Variants in ADAMTSL2 observed in about 807,000 individuals in gnomAD.
The protein encoded by ADAMTSL2 is ADAMTS like 2, also known as ADAMTS-like protein 2.
In ADAMTSL2, 55 loss-of-function variants were observed where a neutral mutation model predicts 117.0. The observed-to-expected ratio is 0.47, with a 90% confidence interval of 0.38 to 0.59. ADAMTSL2 has a LOEUF of 0.59. Among genes scored for constraint, ADAMTSL2 ranks in the 20% least tolerant of loss-of-function variants. The pLI, the probability that ADAMTSL2 is intolerant of heterozygous loss-of-function variation, is 0.00. For synonymous variants in ADAMTSL2, 572 were observed against 566.4 expected (o/e 1.01, Z -0.14); for missense variants, 1,182 against 1,354.5 (o/e 0.87, Z 2.00).
chr9:133,563,832 AGAGAGAG>A (rs1830811701), intron 12 of ADAMTSL2, among the ~76,000 whole-genome samples: 2 of 89,000 alleles, frequency 2.2e-5, no homozygotes, highest in South Asian at 4.1e-4. Context: ...AGAGAGAGAG[AGAGAGAG>A]AGAGGGAGAG....
chr9:133,533,153 G>A (rs1829975327), upstream of ADAMTSL2, among the ~76,000 whole-genome samples: 3 of 132,982 alleles, frequency 2.3e-5, no homozygotes, highest in South Asian at 2.7e-4. Context: ...GGGACTGGGT[G>A]TGTGTGTGCC....
At chr9:133,569,635 G>T in intron 16 of ADAMTSL2, 57 bp downstream of exon 16, 13 of 1,524,924 alleles carry the variant, frequency 8.5e-6, no homozygotes, top group Non-Finnish European at 1.2e-5. Context: ...CATTTGGCCA[G>T]AGAGGAGAGC....
At chr9:133,534,963 G>A (rs996290238) in intron 1 of ADAMTSL2, 46 bp downstream of exon 1, 12 of 1,359,176 alleles carry the variant, frequency 8.8e-6, no homozygotes, top group African/African-American at 1.5e-5. Flanking sequence ...GCGTCCACCA[G>A]GCCAGCCCAC....
chr9:133,544,643 T>C, intron 8 of ADAMTSL2, 93 bp downstream of exon 8: 1 of 1,102,956 alleles, frequency 9.1e-7, no homozygotes, highest in East Asian at 2.4e-5. Flanking sequence ...CTGGACCCCT[T>C]CCTCCAGGAC....
intron 17 of ADAMTSL2, among the ~76,000 whole-genome samples, chr9:133,571,005 G>A (rs984171941): frequency 7.9e-5 from 12 of 152,170 alleles, no homozygotes; most frequent in South Asian, 2.1e-4. Context: ...TCTCCTGCAC[G>A]GGTCTGGCCC....
Position 133,570,464 on chromosome 9 carries a change from T to C in ADAMTSL2, c.2549T>C (p.Phe850Ser). The C allele has an allele frequency of 6.2e-7, 1 of 1,611,720 alleles. No individual in the cohort carries two copies. The highest frequency in any genetic ancestry group is 8.5e-7 in the Non-Finnish European group (1 of 1,179,486). ...AKKPPEESTC[F>S]ERPCFKWYTS... ...AAGCCTCCCGAGGAGAGCACGTGTT[T>C]CGAGAGGCCCTGCTTCAAGTGGTAC... Residue 850 changes from phenylalanine to serine, a missense_variant, in exon 17 of 19, where the codon TTC becomes TCC. By Grantham distance (155) the Phe-to-Ser change is radical (BLOSUM62 -2). Around this residue, in one of 3 missense-constraint regions of ADAMTSL2, gnomAD observed 465 missense variants for 565.3 expected, o/e 0.82. Transcript: ENST00000651351.
At chr9:133,570,038 T>C (rs952163606) in intron 16 of ADAMTSL2, among the ~76,000 whole-genome samples, 8 of 152,354 alleles carry the variant, frequency 5.3e-5, no homozygotes, top group African/African-American at 1.9e-4. Context: ...AACCGGATAA[T>C]CTCGAGCCAA....
At chr9:133,536,522 C>A in intron 1 of ADAMTSL2, 41 bp from the exon 2 acceptor site, 1 of 1,511,284 alleles carries the variant, frequency 6.6e-7, no homozygotes, top group South Asian at 1.3e-5. Context: ...CTCCTTCTTG[C>A]TAAGCCTAGA....
rs1158910876 is a variant in ADAMTSL2 at position 133,544,531 on chromosome 9, G to A, written c.744G>A (p.Lys248=). The change falls in exon 8 of 19, where the codon AAG becomes AAA. Residue 248 remains lysine, a synonymous_variant. Coordinates refer to ENST00000651351, the MANE Select transcript of ADAMTSL2 (RefSeq NM_014694.4). ...GAGACATCCAGATTGTAGAGAGGAA[G>A]AAGTCCGCTGACGTGCTAGGTGGGT... is the stretch of plus-strand genomic sequence containing the variant. The part of the protein sequence containing the change: ...GARDIQIVER[K]KSADVLALAD... The A allele has an allele frequency of 2.5e-6, 4 of 1,614,078 alleles. No homozygotes were observed. The highest frequency in any genetic ancestry group is 2.5e-6 in the Non-Finnish European group (3 of 1,180,018).
intron 12 of ADAMTSL2, among the ~76,000 whole-genome samples, chr9:133,565,201 A>G (rs1412712528): frequency 6.6e-6 from 1 of 152,102 alleles, no homozygotes; most frequent in Non-Finnish European, 1.5e-5. Context: ...ACCGTTTTCG[A>G]GATGGGTGTC....
intron 7 of ADAMTSL2, among the ~76,000 whole-genome samples, chr9:133,543,613 C>T (rs912190296): frequency 6.6e-5 from 10 of 152,264 alleles, no homozygotes; most frequent in South Asian, 2.1e-4. Flanking sequence ...GGATGGCAGG[C>T]GGGTACTGGC....
intron 10 of ADAMTSL2, 81 bp from the exon 11 acceptor site, chr9:133,555,477 C>T (rs1830583659): frequency 7.6e-6 from 12 of 1,572,122 alleles, no homozygotes; most frequent in East Asian, 2.2e-5. Context: ...CTGGCCCCCT[C>T]GTCCAGGTCC....
intron 17 of ADAMTSL2, among the ~76,000 whole-genome samples, chr9:133,570,817 G>A (rs1301850791): frequency 1.3e-5 from 2 of 152,178 alleles, no homozygotes; most frequent in East Asian, 1.9e-4. Flanking sequence ...CCCATGTGCC[G>A]GACACCGCGG....
At chr9:133,574,653 GC>G (rs1831185814) in intron 18 of ADAMTSL2, 92 bp from the exon 19 acceptor site, 3 of 1,046,496 alleles carry the variant, frequency 2.9e-6, no homozygotes, top group Admixed American at 1.7e-5. Flanking sequence ...GAGGCCCACT[GC>G]CCCTGGAAAA....
intron 12 of ADAMTSL2, among the ~76,000 whole-genome samples, chr9:133,564,594 G>GA: frequency 1.2e-5 from 1 of 81,274 alleles, no homozygotes; most frequent in Admixed American, 1.1e-4. Context: ...GAGAGAGAGA[G>GA]GGGGAGAGAG....
At position 133,554,635 on chromosome 9, in the gene ADAMTSL2, G is replaced by A; in HGVS notation, c.1218G>A (p.Val406=). 1.3e-6 allele frequency: 2 copies of A among 1,540,030 alleles called. No individual in the cohort carries two copies. The highest frequency in any genetic ancestry group is 1.8e-6 in the Non-Finnish European group (2 of 1,139,666). ...GCCAGGGCCAGGAGACCAACGAGGTGTGCGAGCAGGCCGGCGGCGGGGCCT... is the reference window on the plus strand; with the variant it reads ...GCCAGGGCCAGGAGACCAACGAGGTATGCGAGCAGGCCGGCGGCGGGGCCT... ...GPSQGQETNE[V]CEQAGGGACE... is the part of the protein sequence containing the mutation. The change falls in exon 10 of 19, where the codon GTG becomes GTA. Residue 406 remains valine (V), a synonymous_variant. Transcript: ENST00000651351. This position sits in a 1 kb window ranked among gnomAD's most constrained non-coding sequence, Gnocchi z 5.2.
intron 6 of ADAMTSL2, 46 bp downstream of exon 6, chr9:133,540,789 A>G (rs1564494576): frequency 6.2e-7 from 1 of 1,613,328 alleles, no homozygotes; most frequent in Non-Finnish European, 8.5e-7. Flanking sequence ...CACTGTGCTG[A>G]CTGCCCGCCC....
At chr9:133,574,654 C>CCCCTGGAAAACGGCACGTGGGGGT (rs1831185897) in intron 18 of ADAMTSL2, 92 bp from the exon 19 acceptor site, 1 of 1,058,902 alleles carries the variant, frequency 9.4e-7, no homozygotes, top group Non-Finnish European at 1.5e-6. Flanking sequence ...AGGCCCACTG[C>CCCCTGGAAAACGGCACGTGGGGGT]CCCTGGAAAA....
chr9:133,574,907 C>T lies in ADAMTSL2; in HGVS notation c.*43C>T, dbSNP rs1444622005. On this transcript the variant is annotated 3_prime_UTR_variant, in exon 19 of 19. Transcript: ENST00000651351. ...CCTTCCAGATGAAGACCAAGCGCCC[C>T]TCCTGGGGCTGCTGCAGCTTCTGGG... is the stretch of plus-strand genomic sequence containing the variant. 6.6e-7 allele frequency: 1 copy of T among 1,514,908 alleles called. No individual in the cohort carries two copies. The highest frequency in any genetic ancestry group is 9.2e-7 in the Non-Finnish European group (1 of 1,091,206). 93.8% of individuals were successfully genotyped at this position (1,514,908 alleles called of 1,614,324 possible).
Sources: allele counts gnomAD v4.1 joint callset (sites outside exome capture counted in the v4.1 genomes callset), GRCh38; gene constraint gnomAD v4.1.1; regional missense constraint gnomAD v4.1.1; non-coding constraint Gnocchi (gnomAD v3.1); transcripts MANE v1.5; gene names NCBI Gene and HGNC (gene_info 2026-07-23, HGNC 2026-07-21).